MACROD2: variants seen among roughly 807,000 people sequenced by gnomAD.
The protein encoded by MACROD2 is mono-ADP ribosylhydrolase 2.
Under a neutral mutation model 70.4 loss-of-function variants are expected in MACROD2, and 36 were observed. The observed-to-expected ratio is 0.51, with a 90% CI of 0.39 to 0.68. The LOEUF is 0.68. Ranked by LOEUF, MACROD2 falls within the 30% of genes least tolerant of loss-of-function variation. The pLI is 0.00. For missense variants in MACROD2, 496 were observed against 538.4 expected, an observed-to-expected ratio of 0.92 and a Z score of 0.78; for synonymous variants, 172 against 178.8, an observed-to-expected ratio of 0.96 and a Z score of 0.30.
chr20:14,254,451 G>A (rs991071835), intron 3 of MACROD2, among the ~76,000 whole-genome samples: 1 of 151,124 alleles, frequency 6.6e-6, no homozygotes, highest in Non-Finnish European at 1.5e-5. Flanking sequence ...ATACAAATAG[G>A]GCCTAGTTTT....
intron 3 of MACROD2, among the ~76,000 whole-genome samples, chr20:14,272,347 C>G (rs1601421268): frequency 1.3e-5 from 2 of 152,072 alleles, no homozygotes; most frequent in East Asian, 1.9e-4. Flanking sequence ...ATTCAACATT[C>G]TTAAAGAAAA....
At chr20:15,796,246 C>T (rs2063672782) in intron 8 of MACROD2, among the ~76,000 whole-genome samples, 1 of 152,198 alleles carries the variant, frequency 6.6e-6, no homozygotes. Flanking sequence ...CGTTAATACT[C>T]TGAAAATCTA....
intron 13 of MACROD2, 90 bp from the exon 14 acceptor site, chr20:15,986,637 A>G (rs1316190047): frequency 3.2e-6 from 3 of 933,522 alleles, no homozygotes; most frequent in African/African-American, 1.6e-5. Flanking sequence ...CTCTCCATGC[A>G]TGATTAAAGC....
chr20:14,274,185 A>G (rs2122369884), intron 3 of MACROD2, among the ~76,000 whole-genome samples: 1 of 152,320 alleles, frequency 6.6e-6, no homozygotes, highest in South Asian at 2.1e-4. Context: ...GGGCAGAGAC[A>G]TAGCCAAAAA....
intron 8 of MACROD2, among the ~76,000 whole-genome samples, chr20:15,677,536 C>T (rs1456364151): frequency 1.3e-5 from 2 of 152,142 alleles, no homozygotes; most frequent in Non-Finnish European, 2.9e-5. Context: ...TTGGTGACTA[C>T]TGCTACTACC....
At chr20:14,059,602 A>G (rs1378717890) in intron 2 of MACROD2, among the ~76,000 whole-genome samples, 1 of 152,200 alleles carries the variant, frequency 6.6e-6, no homozygotes, top group East Asian at 1.9e-4. Flanking sequence ...AAGATGGGAC[A>G]TGAAGCTGGG....
At chr20:14,730,843 G>GC (rs1457073265) in intron 5 of MACROD2, among the ~76,000 whole-genome samples, 6 of 151,926 alleles carry the variant, frequency 3.9e-5, no homozygotes, top group African/African-American at 7.3e-5. Flanking sequence ...GGTTTAAAGT[G>GC]TTTTTTTAAA....
At chr20:14,066,070 G>C (rs886080663) in intron 2 of MACROD2, among the ~76,000 whole-genome samples, 8 of 151,856 alleles carry the variant, frequency 5.3e-5, no homozygotes, top group Non-Finnish European at 1.2e-4. Flanking sequence ...ACTAATTTAG[G>C]CTTTGTTTCC....
intron 5 of MACROD2, among the ~76,000 whole-genome samples, chr20:14,753,044 A>C (rs2071894808): frequency 6.6e-6 from 1 of 151,964 alleles, no homozygotes; most frequent in African/African-American, 2.4e-5. Flanking sequence ...ACTTGTGTTT[A>C]GCTCCCCTGC....
chr20:15,861,799 A>G (rs143209986), intron 8 of MACROD2, among the ~76,000 whole-genome samples: 86 of 152,284 alleles, frequency 5.6e-4, no homozygotes, highest in African/African-American at 2.0e-3. Context: ...GGTGACTTCC[A>G]TGGGGGTTCT....
At chr20:14,820,357 C>CTTTTTTTTTTTT (rs11475238) in intron 5 of MACROD2, among the ~76,000 whole-genome samples, 25 of 116,118 alleles carry the variant, frequency 2.2e-4, no homozygotes, top group Non-Finnish European at 3.0e-4. Context: ...ATTTTTCTTC[C>CTTTTTTTTTTTT]TTTTTTTTTT....
In MACROD2 at chr20:15,835,086, C is replaced by T. The variant is rs79856839; in HGVS notation, c.646-27659C>T. Among the ~76,000 whole-genome samples the T allele has an allele frequency of 8.4e-3, 1,281 of 152,280 alleles. 11 individuals carry two copies. Among genetic ancestry groups the T allele is most frequent in the African/African-American group, 0.014 (567 of 41,556 alleles). On this transcript the variant is annotated intron_variant, in intron 8 of 17. Coordinates refer to ENST00000684519, the MANE Select transcript of MACROD2 (RefSeq NM_001351661.2). Reference sequence around the variant, plus strand: ...CTCAATTGGAGAGGATCCAGGGCCTCCTGCCAATAGCCAGCATCAAATTCT... The same window carrying T: ...CTCAATTGGAGAGGATCCAGGGCCTTCTGCCAATAGCCAGCATCAAATTCT...
chr20:14,133,121 A>G (rs992783512), intron 3 of MACROD2, among the ~76,000 whole-genome samples: 5 of 152,172 alleles, frequency 3.3e-5, no homozygotes, highest in African/African-American at 9.7e-5. Context: ...GTTTTATTCA[A>G]AACATCAGTT....
At chr20:15,096,457 AATAT>A (rs912429724) in intron 5 of MACROD2, among the ~76,000 whole-genome samples, 1 of 147,954 alleles carries the variant, frequency 6.8e-6, no homozygotes, top group East Asian at 2.0e-4. Context: ...TATATATATA[AATAT>A]ATATAAATAC....
chr20:14,902,345 C>T (rs568342281), intron 5 of MACROD2, among the ~76,000 whole-genome samples: 17 of 152,214 alleles, frequency 1.1e-4, no homozygotes, highest in Admixed American at 2.0e-4. Flanking sequence ...GTTGGCAGGC[C>T]GCAGGCAGAG....
intron 8 of MACROD2, among the ~76,000 whole-genome samples, chr20:15,742,684 T>C (rs2051122770): frequency 6.6e-6 from 1 of 152,280 alleles, no homozygotes; most frequent in South Asian, 2.1e-4. Flanking sequence ...TGCCTGCCTT[T>C]TGACCTCAAC....
At chr20:15,917,769 T>C (rs2065340829) in intron 10 of MACROD2, among the ~76,000 whole-genome samples, 1 of 151,760 alleles carries the variant, frequency 6.6e-6, no homozygotes, top group Non-Finnish European at 1.5e-5. Context: ...TAGTAAGAAA[T>C]GTATTACTTA....
At chr20:15,066,180 G>A (rs973075045) in intron 5 of MACROD2, among the ~76,000 whole-genome samples, 2 of 151,088 alleles carry the variant, frequency 1.3e-5, no homozygotes, top group Admixed American at 6.6e-5. Context: ...CACCCAGGCT[G>A]GAGTACAATG....
At chr20:15,407,528 A>C (rs998747361) in intron 6 of MACROD2, among the ~76,000 whole-genome samples, 2 of 152,128 alleles carry the variant, frequency 1.3e-5, no homozygotes, top group Admixed American at 6.5e-5. Context: ...TGTTCCTTTT[A>C]TTCCTAGGAC....
Sources: gnomAD v4.1 joint callset for allele counts (sites outside exome capture counted in the v4.1 genomes callset) on GRCh38, gnomAD v4.1.1 for gene constraint, MANE v1.5 for transcripts, NCBI Gene and HGNC (gene_info 2026-07-23, HGNC 2026-07-21) for gene names.